Variants in CFAP299 observed in about 807,000 individuals in gnomAD.
CFAP299 encodes cilia- and flagella-associated protein 299.
In CFAP299, 21 loss-of-function variants were observed where a neutral mutation model predicts 27.0. The observed-to-expected ratio is 0.78, with a 90% confidence interval of 0.55 to 1.12. CFAP299 has a LOEUF of 1.12. CFAP299 is among the 50% of genes most tolerant of loss of function. The pLI, the probability that CFAP299 is intolerant of heterozygous loss-of-function variation, is 0.00. For synonymous variants in CFAP299, 104 were observed against 98.1 expected, an observed-to-expected ratio of 1.06 and a Z score of -0.36; for missense variants, 310 against 276.6, an observed-to-expected ratio of 1.12 and a Z score of -0.86.
intron 4 of CFAP299, among the ~76,000 whole-genome samples, chr4:80,901,128 G>A (rs934843096): frequency 6.6e-6 from 1 of 152,112 alleles, no homozygotes; most frequent in Admixed American, 6.6e-5. Flanking sequence ...GCCTGTTGAG[G>A]CTGGACTCTC....
At chr4:80,476,574 T>C (rs1730282658) in intron 2 of CFAP299, among the ~76,000 whole-genome samples, 2 of 152,292 alleles carry the variant, frequency 1.3e-5, no homozygotes, top group Middle Eastern at 3.4e-3. Flanking sequence ...ATAAGATTTC[T>C]TTCTGCATCT....
Position 80,564,444 on chromosome 4 carries a change from A to G in CFAP299, c.243-18649A>G, listed in dbSNP as rs183011301. ...GGATAAAAACCATATAATCATTTCA[A>G]TTTATGCTGAAAGAGTATTTGATAT... On this transcript the variant is annotated intron_variant, in intron 2 of 5. Coordinates refer to ENST00000358105, the MANE Select transcript of CFAP299 (RefSeq NM_152770.3). 1.2e-3 allele frequency among the ~76,000 whole-genome samples: 187 copies of G among 152,160 alleles called. 1 individual carries two copies. The highest frequency in any genetic ancestry group is 4.3e-3 in the African/African-American group (177 of 41,556).
intron 2 of CFAP299, among the ~76,000 whole-genome samples, chr4:80,534,082 T>C (rs1733607541): frequency 6.6e-6 from 1 of 152,086 alleles, no homozygotes; most frequent in Non-Finnish European, 1.5e-5. Flanking sequence ...AACTAACATC[T>C]ACCATGCTAC....
intron 2 of CFAP299, among the ~76,000 whole-genome samples, chr4:80,504,507 T>TA (rs1731915823): frequency 2.8e-5 from 1 of 35,716 alleles, no homozygotes; most frequent in South Asian, 8.0e-4. Flanking sequence ...ATATATATAT[T>TA]TTCCTTTGAA....
chr4:80,888,228 C>T (rs1457483293), intron 4 of CFAP299, among the ~76,000 whole-genome samples: 1 of 151,872 alleles, frequency 6.6e-6, no homozygotes, highest in Admixed American at 6.6e-5. Flanking sequence ...CAACGATCCG[C>T]TGCCTACAAG....
chr4:80,904,563 T>C lies in CFAP299; in HGVS notation c.476+34428T>C, dbSNP rs553324859. 6.6e-5 allele frequency among the ~76,000 whole-genome samples: 10 copies of C among 152,264 alleles called. No homozygotes were observed. In the East Asian group the frequency reaches 7.7e-4, roughly 12 times the overall value. ...AGGACATTTCCTTGGGACTTGACTT[T>C]TTTCTTGATTAATATGGTAAGATCT... On this transcript the variant is annotated intron_variant, in intron 4 of 5. Coordinates refer to ENST00000358105, the MANE Select transcript of CFAP299 (RefSeq NM_152770.3).
At chr4:80,765,832 A>G (rs1725831551) in intron 3 of CFAP299, among the ~76,000 whole-genome samples, 1 of 152,148 alleles carries the variant, frequency 6.6e-6, no homozygotes. Context: ...CTAAAAAGAT[A>G]AATTACGAAT....
chr4:80,793,233 C>T (rs903793838), intron 3 of CFAP299, among the ~76,000 whole-genome samples: 4 of 151,826 alleles, frequency 2.6e-5, no homozygotes, highest in Non-Finnish European at 4.4e-5. Flanking sequence ...AAACTGAAGA[C>T]CTTGGAGTCT....
chr4:80,796,642 A>G (rs1179962584), intron 3 of CFAP299, among the ~76,000 whole-genome samples: 1 of 152,098 alleles, frequency 6.6e-6, no homozygotes, highest in East Asian at 1.9e-4. Context: ...GGTTAAGCTT[A>G]TGGTAATCCA....
intron 2 of CFAP299, among the ~76,000 whole-genome samples, chr4:80,462,217 C>A (rs1305339377): frequency 6.6e-6 from 1 of 152,084 alleles, no homozygotes; most frequent in Non-Finnish European, 1.5e-5. Context: ...GACACTTTCC[C>A]CTTAGTATAT....
rs372805795 is a variant in CFAP299, at chr4:80,432,238, C to T, written c.242+69354C>T. ...GCCATCTCAGCTCACTGCAACCTCC[C>T]CCTCCAGGGTTCAAGTGATTCTCCT... On this transcript the variant is annotated intron_variant, in intron 2 of 5. Coordinates refer to ENST00000358105, the MANE Select transcript of CFAP299 (RefSeq NM_152770.3). 2.8e-4 allele frequency among the ~76,000 whole-genome samples: 42 copies of T among 151,128 alleles called. 3 individuals are homozygous for T. In the East Asian group the frequency reaches 7.5e-3, roughly 27 times the overall value.
intron 3 of CFAP299, among the ~76,000 whole-genome samples, chr4:80,769,955 C>T (rs1277480063): frequency 2.0e-5 from 3 of 152,192 alleles, no homozygotes; most frequent in Admixed American, 1.3e-4. Context: ...CTCTCTGGCT[C>T]TCTGTTCTAC....
At chr4:80,481,508 A>G (rs72659860) in intron 2 of CFAP299, among the ~76,000 whole-genome samples, 16 of 152,176 alleles carry the variant, frequency 1.1e-4, no homozygotes, top group Non-Finnish European at 1.9e-4. Context: ...TTTAAATCAC[A>G]TATGAACTAA....
Position 80,578,411 on chromosome 4 carries a change from C to A in CFAP299, c.243-4682C>A, listed in dbSNP as rs533581054. ...CAATATAAGAAGGATTATTATGTAA[C>A]ATTTTTTTCTCTGCTTCGGATAGCT... On this transcript the variant is annotated intron_variant, in intron 2 of 5. Coordinates refer to ENST00000358105, the MANE Select transcript of CFAP299 (RefSeq NM_152770.3). Among the ~76,000 whole-genome samples, 7 of 152,264 alleles carry A rather than the reference C, an allele frequency of 4.6e-5. 1 individual carries two copies. Among genetic ancestry groups the A allele is most frequent in the African/African-American group, 1.7e-4 (7 of 41,556 alleles).
chr4:80,698,687 G>C (rs980544164), intron 3 of CFAP299, among the ~76,000 whole-genome samples: 1 of 152,216 alleles, frequency 6.6e-6, no homozygotes, highest in Non-Finnish European at 1.5e-5. Context: ...TTGACTCACA[G>C]TTCCACATGG....
chr4:80,491,422 A>G (rs1329881323), intron 2 of CFAP299, among the ~76,000 whole-genome samples: 2 of 152,178 alleles, frequency 1.3e-5, no homozygotes, highest in Non-Finnish European at 2.9e-5. Context: ...AGCAACGTAT[A>G]TACATATATA....
upstream of CFAP299, among the ~76,000 whole-genome samples, chr4:80,334,556 A>T (rs1292899778): frequency 2.0e-5 from 3 of 152,124 alleles, no homozygotes; most frequent in Admixed American, 6.5e-5. Flanking sequence ...GAGTCACTGT[A>T]CCTGGCCTAT....
At chr4:80,476,279 A>T (rs1300646189) in intron 2 of CFAP299, among the ~76,000 whole-genome samples, 1 of 152,146 alleles carries the variant, frequency 6.6e-6, no homozygotes, top group African/African-American at 2.4e-5. Context: ...CTGACTCTAG[A>T]CAGATTAATA....
intron 2 of CFAP299, among the ~76,000 whole-genome samples, chr4:80,501,637 G>A (rs1416898373): frequency 1.3e-5 from 2 of 150,740 alleles, no homozygotes; most frequent in African/African-American, 4.8e-5. Flanking sequence ...ATTTTTTCAT[G>A]TAATTTTGGA....
Sources: gnomAD v4.1 joint callset for allele counts (sites outside exome capture counted in the v4.1 genomes callset) on GRCh38, gnomAD v4.1.1 for gene constraint, MANE v1.5 for transcripts, NCBI Gene and HGNC (gene_info 2026-07-23, HGNC 2026-07-21) for gene names.